Variants in IL4R observed in about 807,000 individuals in gnomAD.
IL4R encodes interleukin-4 receptor subunit alpha.
Under a neutral mutation model 41.5 loss-of-function variants are expected in IL4R, and 17 were observed. The ratio of observed to expected loss-of-function variants is 0.41; its 90% CI spans 0.28 to 0.61. IL4R has a LOEUF of 0.61. Ranked by LOEUF, IL4R falls within the 20% of genes least tolerant of loss-of-function variation. The probability of loss-of-function intolerance (pLI) is 0.31; values close to 1 mark genes in which losing one functional copy is unlikely to be tolerated. For synonymous variants in IL4R, 402 were observed against 422.9 expected, an observed-to-expected ratio of 0.95 and a Z score of 0.61; for missense variants, 974 against 1,043.1, an observed-to-expected ratio of 0.93 and a Z score of 0.91.
intron 6 of IL4R, among the ~76,000 whole-genome samples, chr16:27,350,558 C>T (rs2085827611): frequency 6.6e-6 from 1 of 151,996 alleles, no homozygotes. Context: ...GAAGAAACTG[C>T]CGGGGGCTGA....
intron 1 of IL4R, among the ~76,000 whole-genome samples, chr16:27,319,870 CT>C (rs1458855108): frequency 6.6e-6 from 1 of 152,072 alleles, no homozygotes; most frequent in Non-Finnish European, 1.5e-5. Flanking sequence ...GGGTTGCGTA[CT>C]TTTTCTTTTT....
chr16:27,321,012 C>T (rs1307375041), intron 1 of IL4R, among the ~76,000 whole-genome samples: 2 of 151,090 alleles, frequency 1.3e-5, no homozygotes, highest in Non-Finnish European at 2.9e-5. Context: ...GGCGCAATCT[C>T]AGCTCACTGC....
At chr16:27,320,786 A>G (rs1283750261) in intron 1 of IL4R, among the ~76,000 whole-genome samples, 1 of 152,118 alleles carries the variant, frequency 6.6e-6, no homozygotes, top group Non-Finnish European at 1.5e-5. Context: ...GAGGAGAGGC[A>G]CCAGCTCTCT....
chr16:27,338,213 C>T (rs1419335123), intron 2 of IL4R, among the ~76,000 whole-genome samples: 2 of 151,640 alleles, frequency 1.3e-5, no homozygotes, highest in African/African-American at 4.8e-5. Flanking sequence ...CCTCAGCCTC[C>T]CAAACTTTCT....
At chr16:27,337,882 G>A (rs2085307171) in intron 2 of IL4R, among the ~76,000 whole-genome samples, 1 of 151,214 alleles carries the variant, frequency 6.6e-6, no homozygotes, top group Non-Finnish European at 1.5e-5. Context: ...GGTATTTGAC[G>A]TTATGTACCA....
chr16:27,333,251 G>A (rs868351979), intron 2 of IL4R, among the ~76,000 whole-genome samples: 7 of 151,226 alleles, frequency 4.6e-5, no homozygotes, highest in Admixed American at 2.6e-4. Context: ...AGATTTTGCA[G>A]ATGATAAAAT....
At chr16:27,343,506 A>T (rs2085511517) in intron 4 of IL4R, among the ~76,000 whole-genome samples, 1 of 152,140 alleles carries the variant, frequency 6.6e-6, no homozygotes, top group Non-Finnish European at 1.5e-5. Context: ...GGCTCACTGC[A>T]ACCTCTGCCT....
At chr16:27,335,422 C>T (rs546913457) in intron 2 of IL4R, among the ~76,000 whole-genome samples, 23 of 152,112 alleles carry the variant, frequency 1.5e-4, no homozygotes, top group East Asian at 1.4e-3. Context: ...GGCTGGAGTG[C>T]GGTGGTGCGA....
At chr16:27,325,167 T>G (rs1017583253) in intron 1 of IL4R, among the ~76,000 whole-genome samples, 1 of 150,828 alleles carries the variant, frequency 6.6e-6, no homozygotes, top group African/African-American at 2.4e-5. Context: ...TCCCCCTTGC[T>G]CCAGCCAAGG....
intron 4 of IL4R, 96 bp downstream of exon 4, chr16:27,342,355 A>G: frequency 6.9e-7 from 1 of 1,443,948 alleles, no homozygotes; most frequent in South Asian, 1.2e-5. Flanking sequence ...GGAGTGCAGG[A>G]TGCTGAGTAT....
intron 1 of IL4R, among the ~76,000 whole-genome samples, chr16:27,324,142 G>A (rs2084891055): frequency 6.6e-6 from 1 of 152,208 alleles, no homozygotes; most frequent in Middle Eastern, 3.2e-3. Context: ...CAAGAAGGAG[G>A]CCAGCTAGGA....
At position 27,345,754 on chromosome 16, in the gene IL4R, G is replaced by A. The variant is rs906194161; in HGVS notation, c.362-713G>A. 5.3e-5 allele frequency among the ~76,000 whole-genome samples: 8 copies of A among 150,752 alleles called. No individual in the cohort carries two copies. Among genetic ancestry groups the A allele is most frequent in the South Asian group, 2.1e-4 (1 of 4,768 alleles). Reference sequence around the variant, plus strand: ...GGGAGGCCGAGCCCAGCGGATCACCGGAGGTCAGGAGTTCGAGACCAGCCT... The same window carrying A: ...GGGAGGCCGAGCCCAGCGGATCACCAGAGGTCAGGAGTTCGAGACCAGCCT... On this transcript the variant is annotated intron_variant, in intron 5 of 10. Coordinates refer to ENST00000395762, the MANE Select transcript of IL4R (RefSeq NM_000418.4). The surrounding 1 kb of genome is among the most constrained non-coding windows in gnomAD (Gnocchi z 4.5).
chr16:27,318,086 C>T (rs567819864), intron 1 of IL4R, among the ~76,000 whole-genome samples: 13 of 152,270 alleles, frequency 8.5e-5, no homozygotes, highest in African/African-American at 1.4e-4. Flanking sequence ...CTGAAATCCA[C>T]GATTTCTGAA....
intron 8 of IL4R, 77 bp downstream of exon 8, chr16:27,355,984 C>T (rs2086060724): frequency 2.3e-6 from 2 of 880,050 alleles, no homozygotes; most frequent in Non-Finnish European, 3.8e-6. Context: ...CTAGTCTGCC[C>T]CTTTGCAGTC....
intron 6 of IL4R, 77 bp downstream of exon 6, chr16:27,346,695 G>C: frequency 6.6e-7 from 1 of 1,508,346 alleles, no homozygotes; most frequent in Non-Finnish European, 9.1e-7. Flanking sequence ...CCAGTCCCTG[G>C]AGCCAGGAGC....
intron 7 of IL4R, chr16:27,355,466 A>G (rs1053962472): frequency 1.9e-5 from 6 of 324,224 alleles, no homozygotes; most frequent in Non-Finnish European, 3.6e-5. Context: ...GCGGAGGCAC[A>G]GAGAAGATAA....
chr16:27,344,803 C>T (rs996376416), intron 4 of IL4R, 66 bp from the exon 5 acceptor site: 12 of 1,523,790 alleles, frequency 7.9e-6, no homozygotes, highest in South Asian at 1.2e-5. Context: ...AGGCATGTCC[C>T]GGACACAGCT....
chr16:27,330,386 CA>C (rs71137792), intron 2 of IL4R, among the ~76,000 whole-genome samples, 188 bp downstream of exon 2: 148 of 123,884 alleles, frequency 1.2e-3, no homozygotes, highest in East Asian at 5.7e-3. Context: ...GACTCCATCT[CA>C]AAAAAAAAAA....
Position 27,355,836 on chromosome 16 carries a change from C to T in IL4R, c.699C>T (p.Leu233=), listed in dbSNP as rs748497661. The T allele has an allele frequency of 1.2e-6, 2 of 1,613,572 alleles. No homozygotes were observed. Among genetic ancestry groups the T allele is most frequent in the Non-Finnish European group, 1.7e-6 (2 of 1,179,946 alleles). Residue 233 remains leucine (L), a synonymous_variant, in exon 8 of 11, where the codon CTC becomes CTT. Coordinates refer to ENST00000395762, the MANE Select transcript of IL4R (RefSeq NM_000418.4). The stretch of plus-strand genomic sequence containing the variant: ...ACAGGGAGCCCTTCGAGCAGCACCT[C>T]CTGCTGGGCGTCAGCGTTTCCTGCA... ...NSYREPFEQH[L]LLGVSVSCIV... is the part of the protein sequence containing the mutation.
Sources: allele counts gnomAD v4.1 joint callset (sites outside exome capture counted in the v4.1 genomes callset), GRCh38; gene constraint gnomAD v4.1.1; non-coding constraint Gnocchi (gnomAD v3.1); transcripts MANE v1.5; gene names NCBI Gene and HGNC (gene_info 2026-07-23, HGNC 2026-07-21).